Variants in MYRIP observed in about 807,000 individuals in gnomAD.
MYRIP encodes rab effector MyRIP.
MYRIP carries 49 observed loss-of-function variants against 98.0 expected under a neutral mutation model. The ratio of observed to expected loss-of-function variants is 0.50; its 90% CI spans 0.40 to 0.63. The LOEUF is 0.63. Ranked by LOEUF, MYRIP falls within the 30% of genes least tolerant of loss-of-function variation. The pLI is 0.00. For synonymous variants in MYRIP, 404 were observed against 409.5 expected (o/e 0.99, Z 0.16); for missense variants, 1,004 against 1,058.2 (o/e 0.95, Z 0.71).
chr3:39,931,588 T>C (rs1944538404), intron 2 of MYRIP, among the ~76,000 whole-genome samples: 1 of 152,162 alleles, frequency 6.6e-6, no homozygotes, highest in Non-Finnish European at 1.5e-5. Flanking sequence ...TATTGTTTTT[T>C]ATCTTGGCAG....
intron 3 of MYRIP, among the ~76,000 whole-genome samples, chr3:40,060,778 A>G (rs1029735383): frequency 5.9e-5 from 9 of 152,034 alleles, no homozygotes; most frequent in Non-Finnish European, 1.0e-4. Context: ...TTTTTAGTAG[A>G]GACGGGGTTT....
intron 1 of MYRIP, among the ~76,000 whole-genome samples, chr3:39,885,048 A>G (rs879532039): frequency 4.3e-4 from 65 of 151,702 alleles, no homozygotes; most frequent in South Asian, 2.1e-3. Context: ...TAGACTTACC[A>G]GCATGATATG....
intron 12 of MYRIP, among the ~76,000 whole-genome samples, 194 bp from the exon 13 acceptor site, chr3:40,244,252 G>A (rs1953113482): frequency 6.6e-6 from 1 of 152,214 alleles, no homozygotes; most frequent in Non-Finnish European, 1.5e-5. Flanking sequence ...GGAAGGTGTG[G>A]TTGACAGTGA....
intron 1 of MYRIP, among the ~76,000 whole-genome samples, chr3:39,867,882 G>C (rs942198338): frequency 1.3e-5 from 2 of 152,126 alleles, no homozygotes; most frequent in African/African-American, 4.8e-5. Flanking sequence ...CAATAGCCAG[G>C]ACATGGAAGC....
intron 3 of MYRIP, among the ~76,000 whole-genome samples, chr3:40,046,805 C>G (rs1255776211): frequency 6.6e-6 from 1 of 152,000 alleles, no homozygotes; most frequent in African/African-American, 2.4e-5. Flanking sequence ...CTATACTGTG[C>G]TTCAGCATAT....
At chr3:39,843,163 A>G (rs951112183) in intron 1 of MYRIP, among the ~76,000 whole-genome samples, 1 of 152,262 alleles carries the variant, frequency 6.6e-6, no homozygotes, top group East Asian at 1.9e-4. Context: ...CCTTTTTGTT[A>G]TCTATCTAAT....
chr3:40,011,344 G>A (rs560716613), intron 2 of MYRIP, among the ~76,000 whole-genome samples: 8 of 152,110 alleles, frequency 5.3e-5, no homozygotes, highest in Non-Finnish European at 1.0e-4. Context: ...AAAGAAGAAG[G>A]GAGGAAGGGT....
chr3:39,941,551 CT>C, intron 2 of MYRIP, among the ~76,000 whole-genome samples: 1 of 151,228 alleles, frequency 6.6e-6, no homozygotes, highest in Middle Eastern at 3.4e-3. Context: ...AGTAGACTGA[CT>C]TTTTTAAGCA....
chr3:40,166,799 C>T (rs1330500037), intron 5 of MYRIP, 47 bp from the exon 6 acceptor site: 1 of 1,248,794 alleles, frequency 8.0e-7, no homozygotes, highest in Non-Finnish European at 1.2e-6. Flanking sequence ...AATCGTTTTA[C>T]TCATCATTCC....
At chr3:40,205,653 C>T (rs1195650438) in intron 10 of MYRIP, among the ~76,000 whole-genome samples, 1 of 152,076 alleles carries the variant, frequency 6.6e-6, no homozygotes, top group African/African-American at 2.4e-5. Context: ...CCGCCTCCCA[C>T]CCTCCCTGCA....
intron 2 of MYRIP, among the ~76,000 whole-genome samples, chr3:39,958,300 A>G (rs1945221801): frequency 1.3e-5 from 2 of 152,196 alleles, no homozygotes; most frequent in Non-Finnish European, 1.5e-5. Flanking sequence ...TACAGTAACC[A>G]AAACAGCATG....
intron 3 of MYRIP, among the ~76,000 whole-genome samples, chr3:40,110,868 C>T (rs1194259346): frequency 6.8e-6 from 1 of 147,776 alleles, no homozygotes; most frequent in Non-Finnish European, 1.5e-5. Flanking sequence ...TGCTACTCTG[C>T]AGTTCATGAA....
chr3:40,163,183 A>C (rs1950432359), intron 5 of MYRIP, among the ~76,000 whole-genome samples: 2 of 152,234 alleles, frequency 1.3e-5, no homozygotes, highest in Admixed American at 6.5e-5. Context: ...TTATACCAAT[A>C]TAATTGTCCC....
At chr3:40,031,889 A>G (rs1161910746) in intron 2 of MYRIP, among the ~76,000 whole-genome samples, 1 of 151,476 alleles carries the variant, frequency 6.6e-6, no homozygotes, top group East Asian at 1.9e-4. Flanking sequence ...TTTCTTCTTT[A>G]TTAGTCTTGC....
chr3:39,899,672 C>T (rs1046590622), intron 1 of MYRIP, among the ~76,000 whole-genome samples: 5 of 152,140 alleles, frequency 3.3e-5, no homozygotes, highest in Admixed American at 6.5e-5. Context: ...AAAGAGATTA[C>T]ACCAATTTAT....
At chr3:40,134,952 C>A (rs920851261) in intron 3 of MYRIP, among the ~76,000 whole-genome samples, 46 of 152,044 alleles carry the variant, frequency 3.0e-4, no homozygotes, top group Non-Finnish European at 5.6e-4. Context: ...GCAGAAAAAC[C>A]AGAAACTCTA....
chr3:40,033,930 T>C (rs896976138), intron 2 of MYRIP, among the ~76,000 whole-genome samples: 5 of 152,012 alleles, frequency 3.3e-5, no homozygotes, highest in Non-Finnish European at 5.9e-5. Flanking sequence ...TATCTACAAC[T>C]ATCTGATCTT....
At chr3:40,070,163 TA>T (rs1426149707) in intron 3 of MYRIP, among the ~76,000 whole-genome samples, 1 of 152,212 alleles carries the variant, frequency 6.6e-6, no homozygotes, top group Non-Finnish European at 1.5e-5. Flanking sequence ...ATCAATTACA[TA>T]ATTCTTATAG....
chr3:39,843,175 G>T (rs1941855530), intron 1 of MYRIP, among the ~76,000 whole-genome samples: 1 of 151,994 alleles, frequency 6.6e-6, no homozygotes, highest in Admixed American at 6.5e-5. Flanking sequence ...CTATCTAATA[G>T]GATATTATCT....
Sources: gnomAD v4.1 joint callset for allele counts (sites outside exome capture counted in the v4.1 genomes callset) on GRCh38, gnomAD v4.1.1 for gene constraint, MANE v1.5 for transcripts, NCBI Gene and HGNC (gene_info 2026-07-23, HGNC 2026-07-21) for gene names.